Variants in PARD3 observed in about 807,000 individuals in gnomAD.
PARD3 encodes par-3 family cell polarity regulator, also known as partitioning defective 3 homolog.
PARD3 carries 75 observed loss-of-function variants against 155.4 expected under a neutral mutation model. That is an observed-to-expected ratio of 0.48 (90% CI 0.40 to 0.58). The LOEUF (loss-of-function observed/expected upper bound fraction) is 0.58. Among genes scored for constraint, PARD3 ranks in the 20% least tolerant of loss-of-function variants. PARD3 has a pLI of 0.00. For missense variants in PARD3, 1,642 were observed against 1,721.7 expected (o/e 0.95, Z 0.82); for synonymous variants, 576 against 610.5 (o/e 0.94, Z 0.83).
intron 12 of PARD3, among the ~76,000 whole-genome samples, chr10:34,368,497 C>T (rs979078140): frequency 9.9e-5 from 15 of 151,908 alleles, no homozygotes; most frequent in Non-Finnish European, 1.2e-4. Context: ...ACGGTGAAAC[C>T]CTGTCTCTAC....
chr10:34,809,858 A>G (rs1347267889), intron 1 of PARD3, among the ~76,000 whole-genome samples: 1 of 152,170 alleles, frequency 6.6e-6, no homozygotes, highest in African/African-American at 2.4e-5. Flanking sequence ...TCATTTCACT[A>G]TTTTTATGCT....
In PARD3 at chr10:34,814,871, C is replaced by A; in HGVS notation, c.120+5G>T. 6.6e-7 allele frequency: 1 copy of A among 1,514,204 alleles called. No individual in the cohort carries two copies. Among genetic ancestry groups the A allele is most frequent in the East Asian group, 2.7e-5 (1 of 37,020 alleles). 93.8% of individuals were successfully genotyped at this position (1,514,204 alleles called of 1,614,324 possible). ...CCCTCCCCGCCCGCGCCCCCGGCCC[C>A]TCACCTTGGCGATGGCCTTCCGGTA... On this transcript the variant is annotated splice_donor_5th_base_variant and intron_variant, in intron 1 of 24. Transcript: ENST00000374788.
chr10:34,694,699 T>C (rs1008441998), intron 2 of PARD3, among the ~76,000 whole-genome samples: 8 of 152,074 alleles, frequency 5.3e-5, no homozygotes, highest in Non-Finnish European at 7.3e-5. Flanking sequence ...CATTTTTTGA[T>C]ACAATGTATT....
chr10:34,321,726 A>G (rs1354055892), intron 19 of PARD3, among the ~76,000 whole-genome samples: 2 of 152,198 alleles, frequency 1.3e-5, no homozygotes, highest in African/African-American at 2.4e-5. Context: ...ATTCTAGTCC[A>G]TGTTACAAAT....
chr10:34,351,251 G>GT (rs3842233), intron 14 of PARD3, among the ~76,000 whole-genome samples: 36,670 of 151,364 alleles, frequency 0.24, 5,463 homozygotes, highest in South Asian at 0.49. Flanking sequence ...CAATATTTCA[G>GT]TTTTTTTTTA....
chr10:34,496,363 T>C (rs936081932), intron 3 of PARD3, among the ~76,000 whole-genome samples: 10 of 152,020 alleles, frequency 6.6e-5, no homozygotes, highest in Non-Finnish European at 1.5e-4. Flanking sequence ...ATAGAAATAT[T>C]CCCCTACTAA....
chr10:34,113,492 CAG>C (rs1331413488), intron 24 of PARD3, among the ~76,000 whole-genome samples: 1 of 143,608 alleles, frequency 7.0e-6, no homozygotes, highest in Non-Finnish European at 1.5e-5. Context: ...GCACATAAGA[CAG>C]AAACACACAC....
At chr10:34,464,127 A>G (rs2077859090) in intron 4 of PARD3, among the ~76,000 whole-genome samples, 1 of 152,168 alleles carries the variant, frequency 6.6e-6, no homozygotes, top group Non-Finnish European at 1.5e-5. Context: ...GGGAAAAAAA[A>G]AAAAAAGACC....
At chr10:34,170,239 C>A (rs1949722782) in intron 22 of PARD3, among the ~76,000 whole-genome samples, 1 of 152,100 alleles carries the variant, frequency 6.6e-6, no homozygotes, top group Non-Finnish European at 1.5e-5. Context: ...AGTTGCACAC[C>A]ACCACGCCCA....
At chr10:34,706,970 G>A (rs2094372917) in intron 1 of PARD3, among the ~76,000 whole-genome samples, 1 of 152,026 alleles carries the variant, frequency 6.6e-6, no homozygotes, top group South Asian at 2.1e-4. Flanking sequence ...TTAGGGCTGG[G>A]TTCGGTAGCT....
At chr10:34,694,010 G>A (rs2094117451) in intron 2 of PARD3, among the ~76,000 whole-genome samples, 1 of 152,112 alleles carries the variant, frequency 6.6e-6, no homozygotes, top group African/African-American at 2.4e-5. Context: ...AAACAACAGT[G>A]ATAAGCTCTC....
chr10:34,152,080 A>G (rs1349485406), intron 22 of PARD3, among the ~76,000 whole-genome samples: 4 of 152,190 alleles, frequency 2.6e-5, no homozygotes, highest in African/African-American at 9.6e-5. Context: ...GTTCTTGAAG[A>G]GGAAGAAGGA....
intron 2 of PARD3, among the ~76,000 whole-genome samples, chr10:34,631,456 C>G (rs2092266156): frequency 6.6e-6 from 1 of 152,142 alleles, no homozygotes; most frequent in African/African-American, 2.4e-5. Context: ...CCTCGTTTCT[C>G]ATTTCTATAA....
chr10:34,377,995 C>A lies in PARD3; in HGVS notation c.1511G>T (p.Arg504Leu). 1 of 1,585,846 alleles carries A rather than the reference C, an allele frequency of 6.3e-7. No homozygotes were observed. Among genetic ancestry groups the A allele is most frequent in the South Asian group, 1.2e-5 (1 of 86,574 alleles). Residue 504 changes from arginine to leucine, a missense_variant, in exon 10 of 25, where the codon CGA becomes CTA. Physicochemically the swap from Arg to Leu is moderately radical, Grantham distance 102 (BLOSUM62 -2). This residue lies in a region of PARD3 where 1,529 missense variants were observed against 1,587.3 expected (regional missense o/e 0.96). Transcript: ENST00000374788. Reference sequence around the variant, plus strand: ...TATAAGTCTGTCTCCTGCCTTAAGTCGGCCATCCTGAATGGCCGCCCCCCG... The same window carrying A: ...TATAAGTCTGTCTCCTGCCTTAAGTAGGCCATCCTGAATGGCCGCCCCCCG... ...LPRGAAIQDG[R>L]LKAGDRLIEV...
At chr10:34,695,286 C>T (rs1264014763) in intron 2 of PARD3, among the ~76,000 whole-genome samples, 3 of 152,050 alleles carry the variant, frequency 2.0e-5, no homozygotes, top group South Asian at 2.1e-4. Flanking sequence ...ACCAGCCTGA[C>T]CAACATGGTG....
intron 2 of PARD3, among the ~76,000 whole-genome samples, chr10:34,599,575 T>C (rs1179459186): frequency 6.6e-6 from 1 of 152,236 alleles, no homozygotes; most frequent in Non-Finnish European, 1.5e-5. Context: ...CAAGTCTACA[T>C]AAAATTCAAC....
At chr10:34,533,470 C>T (rs1413704928) in intron 2 of PARD3, among the ~76,000 whole-genome samples, 1 of 152,014 alleles carries the variant, frequency 6.6e-6, no homozygotes, top group Non-Finnish European at 1.5e-5. Flanking sequence ...TATTCAATCA[C>T]TCTATATCAA....
chr10:34,747,052 T>C (rs907540320), intron 1 of PARD3, among the ~76,000 whole-genome samples: 1 of 152,182 alleles, frequency 6.6e-6, no homozygotes, highest in Admixed American at 6.5e-5. Context: ...ACCCTGCTTA[T>C]CATGGAAACC....
At chr10:34,476,977 C>A (rs894737697) in intron 3 of PARD3, among the ~76,000 whole-genome samples, 5 of 152,294 alleles carry the variant, frequency 3.3e-5, no homozygotes, top group South Asian at 4.1e-4. Flanking sequence ...AAAAGTTCAC[C>A]TAAAAGGTTC....
Sources: gnomAD v4.1 joint callset for allele counts (sites outside exome capture counted in the v4.1 genomes callset) on GRCh38, gnomAD v4.1.1 for gene constraint, gnomAD v4.1.1 regional missense constraint, MANE v1.5 for transcripts, NCBI Gene and HGNC (gene_info 2026-07-23, HGNC 2026-07-21) for gene names.